The following ENTREP2 variants were observed in gnomAD, a reference collection of about 807,000 sequenced individuals.
ENTREP2 encodes protein ENTREP2.
chr15:29,291,154 C>G, the ENTREP2 span, among the ~76,000 whole-genome samples: 4 of 152,212 alleles, frequency 2.6e-5, no homozygotes, highest in African/African-American at 9.7e-5. Context: ...CCTTCCCACA[C>G]AGAGGAAAGC....
the ENTREP2 span, among the ~76,000 whole-genome samples, chr15:29,642,580 T>C: frequency 1.3e-5 from 2 of 148,220 alleles, no homozygotes; most frequent in South Asian, 4.2e-4. Flanking sequence ...ACTATATATA[T>C]ACTATATATA....
At chr15:29,159,953 T>TTGGGTGCCA in the ENTREP2 span, among the ~76,000 whole-genome samples, 3 of 152,180 alleles carry the variant, frequency 2.0e-5, no homozygotes, top group African/African-American at 7.2e-5. Flanking sequence ...GTGTATGGGA[T>TTGGGTGCCA]TGGGTGCCAT....
chr15:29,450,050 G>A, the ENTREP2 span, among the ~76,000 whole-genome samples: 2 of 152,088 alleles, frequency 1.3e-5, no homozygotes, highest in African/African-American at 4.8e-5. Flanking sequence ...GTATGTCTTT[G>A]GAAAAGTGTC....
chr15:29,364,862 C>G, the ENTREP2 span, among the ~76,000 whole-genome samples: 1 of 152,156 alleles, frequency 6.6e-6, no homozygotes, highest in Admixed American at 6.5e-5. Flanking sequence ...CCGCCACTAC[C>G]ACCAGCCGCC....
At chr15:29,617,942 G>A in the ENTREP2 span, among the ~76,000 whole-genome samples, 5 of 152,134 alleles carry the variant, frequency 3.3e-5, no homozygotes, top group African/African-American at 1.2e-4. Flanking sequence ...CATCCTCTTG[G>A]TCTCATGTCC....
chr15:29,568,840 G>C, the ENTREP2 span, among the ~76,000 whole-genome samples: 1 of 152,008 alleles, frequency 6.6e-6, no homozygotes, highest in East Asian at 1.9e-4. Flanking sequence ...GGGATGATGT[G>C]CATTTTTCAC....
the ENTREP2 span, among the ~76,000 whole-genome samples, chr15:29,636,116 T>C: frequency 1.3e-5 from 2 of 152,142 alleles, no homozygotes; most frequent in Non-Finnish European, 2.9e-5. Flanking sequence ...CAGGCCCTCT[T>C]TGCAGCTCAT....
chr15:29,566,846 TAC>T, the ENTREP2 span, among the ~76,000 whole-genome samples: 267 of 146,086 alleles, frequency 1.8e-3, 4 homozygotes, highest in Admixed American at 3.1e-3. Context: ...AAAGGAAAAA[TAC>T]ACACACACAC....
the ENTREP2 span, among the ~76,000 whole-genome samples, chr15:29,344,925 C>T: frequency 2.9e-4 from 38 of 132,456 alleles, no homozygotes; most frequent in Non-Finnish European, 2.9e-4. Flanking sequence ...AACACGCACG[C>T]GCGCAGACAC....
chr15:29,530,239 C>T, the ENTREP2 span, among the ~76,000 whole-genome samples: 5 of 152,122 alleles, frequency 3.3e-5, no homozygotes, highest in African/African-American at 9.7e-5. Flanking sequence ...CAACTTAGTG[C>T]TCCCTGAGCC....
the ENTREP2 span, among the ~76,000 whole-genome samples, chr15:29,623,997 C>CA: frequency 6.6e-6 from 1 of 152,208 alleles, no homozygotes. Context: ...CTCGGCCTCC[C>CA]AAAGTGCTGG....
chr15:29,329,176 C>T, the ENTREP2 span, among the ~76,000 whole-genome samples: 11 of 151,856 alleles, frequency 7.2e-5, 1 homozygote, highest in Admixed American at 2.6e-4. Flanking sequence ...TCCTGGCTAA[C>T]ATGGTGAAAC....
the ENTREP2 span, among the ~76,000 whole-genome samples, chr15:29,493,733 T>C: frequency 6.6e-6 from 1 of 152,094 alleles, no homozygotes. Context: ...CCCAGCACTT[T>C]CGGAGGCTGA....
the ENTREP2 span, among the ~76,000 whole-genome samples, chr15:29,608,420 C>T: frequency 6.6e-6 from 1 of 151,868 alleles, no homozygotes. Context: ...ATTTTGATTC[C>T]TCTCCCAGCG....
the ENTREP2 span, among the ~76,000 whole-genome samples, chr15:29,639,108 T>C: frequency 6.6e-6 from 1 of 152,264 alleles, no homozygotes; most frequent in African/African-American, 2.4e-5. Flanking sequence ...ATTAACTCTC[T>C]TTTGAAAGAA....
the ENTREP2 span, among the ~76,000 whole-genome samples, chr15:29,213,838 A>T: frequency 1.3e-4 from 20 of 152,322 alleles, 1 homozygote; most frequent in Middle Eastern, 0.014. Flanking sequence ...AACTCCAACA[A>T]ATTTACAAGA....
chr15:29,393,961 C>T, the ENTREP2 span, among the ~76,000 whole-genome samples: 2 of 152,122 alleles, frequency 1.3e-5, no homozygotes, highest in African/African-American at 4.8e-5. Flanking sequence ...AAATATTACT[C>T]CCATCCAAAG....
At chr15:29,155,167 A>G in the ENTREP2 span, among the ~76,000 whole-genome samples, 2 of 152,066 alleles carry the variant, frequency 1.3e-5, no homozygotes, top group African/African-American at 4.8e-5. Context: ...CTGTAGTCCC[A>G]GCTACTTGGG....
At chr15:29,394,355 T>G in the ENTREP2 span, among the ~76,000 whole-genome samples, 1 of 152,138 alleles carries the variant, frequency 6.6e-6, no homozygotes, top group South Asian at 2.1e-4. Context: ...TTGAACTATG[T>G]GGAGGGAAAG....
Sources: gnomAD v4.1 joint callset for allele counts (sites outside exome capture counted in the v4.1 genomes callset) on GRCh38, gnomAD v4.1.1 for gene constraint, MANE v1.5 for transcripts, NCBI Gene and HGNC (gene_info 2026-07-23, HGNC 2026-07-21) for gene names.